TET2: variants seen among roughly 807,000 people sequenced by gnomAD.
TET2 encodes methylcytosine dioxygenase TET2.
Under a neutral mutation model 142.9 loss-of-function variants are expected in TET2, and 299 were observed. The ratio of observed to expected loss-of-function variants is 2.09; its 90% confidence interval spans 1.90 to 2.30. The LOEUF (loss-of-function observed/expected upper bound fraction) is 2.30. Ranked by LOEUF, TET2 falls within the 30% of genes most tolerant of loss-of-function variation. The pLI is 0.00. For synonymous variants in TET2, 819 were observed against 849.0 expected (o/e 0.96, Z 0.61); for missense variants, 2,418 against 2,378.0 (o/e 1.02, Z -0.35).
intron 3 of TET2, 80 bp downstream of exon 3, chr4:105,237,431 C>CT (rs1421974533): frequency 6.2e-7 from 1 of 1,613,570 alleles, no homozygotes; most frequent in Non-Finnish European, 8.5e-7. Context: ...GATTTTCCTT[C>CT]TTTTTTTAAA....
chr4:105,187,254 T>C (rs1725512282), intron 1 of TET2, among the ~76,000 whole-genome samples: 1 of 152,226 alleles, frequency 6.6e-6, no homozygotes, highest in African/African-American at 2.4e-5. Context: ...TTTTTAAGTT[T>C]TGTTTTACTA....
chr4:105,192,075 C>T (rs546905148), intron 2 of TET2, among the ~76,000 whole-genome samples: 28 of 152,122 alleles, frequency 1.8e-4, no homozygotes, highest in East Asian at 3.9e-4. Flanking sequence ...GAACTGAGAG[C>T]GCATTTTTAA....
chr4:105,223,697 A>T (rs1727998207), intron 2 of TET2, among the ~76,000 whole-genome samples: 1 of 152,186 alleles, frequency 6.6e-6, no homozygotes, highest in Non-Finnish European at 1.5e-5. Context: ...ATAGTTTTGG[A>T]GAATAATGCC....
At chr4:105,173,120 G>A (rs1724568643) in intron 1 of TET2, among the ~76,000 whole-genome samples, 1 of 152,100 alleles carries the variant, frequency 6.6e-6, no homozygotes, top group Non-Finnish European at 1.5e-5. Context: ...ATTTATTCTT[G>A]CATGCCAACA....
In TET2 at chr4:105,276,859, T is replaced by G. The variant is rs551479931; in HGVS notation, c.*340T>G. The G allele has an allele frequency of 7.3e-5, 12 of 164,806 alleles. No individual in the cohort carries two copies. The highest frequency in any genetic ancestry group is 4.6e-4 in the African/African-American group (12 of 26,206). The allele number at this position is 164,806 out of a possible 1,614,324, so 10.2% of individuals were successfully genotyped here. A position where few individuals can be genotyped will look rare whatever the true frequency, so the allele number is the denominator to read the frequency against. On this transcript the variant is annotated 3_prime_UTR_variant, in exon 11 of 11. Coordinates refer to ENST00000380013, the MANE Select transcript of TET2 (RefSeq NM_001127208.3). ...GTGATCCCCCCCCCCCGCTTACAAC[T>G]CTACACATCTGTGACCACTTTTAAT...
At chr4:105,250,768 C>T (rs1033570050) in intron 6 of TET2, among the ~76,000 whole-genome samples, 4 of 152,148 alleles carry the variant, frequency 2.6e-5, no homozygotes, top group Non-Finnish European at 4.4e-5. Context: ...TCTCAGCTCA[C>T]TGCAACCTCC....
At chr4:105,252,735 C>A (rs557431869) in intron 6 of TET2, among the ~76,000 whole-genome samples, 1 of 152,280 alleles carries the variant, frequency 6.6e-6, no homozygotes, top group South Asian at 2.1e-4. Context: ...TCTATATGTT[C>A]TGTGTTATCT....
At chr4:105,241,135 C>A in intron 3 of TET2, 2 of 1,149,336 alleles carry the variant, frequency 1.7e-6, no homozygotes, top group Non-Finnish European at 2.2e-6. Flanking sequence ...TATTTTTATC[C>A]AACAACCAGC....
At chr4:105,208,318 T>A (rs1726946560) in intron 2 of TET2, among the ~76,000 whole-genome samples, 1 of 152,164 alleles carries the variant, frequency 6.6e-6, no homozygotes, top group African/African-American at 2.4e-5. Flanking sequence ...TCAAGCTGGC[T>A]TCTCTGTTTT....
chr4:105,205,798 A>AT (rs1726783669), intron 2 of TET2, among the ~76,000 whole-genome samples: 1 of 151,640 alleles, frequency 6.6e-6, no homozygotes, highest in South Asian at 2.1e-4. Flanking sequence ...CTCCTGGCTA[A>AT]TTTTTTTCTA....
chr4:105,189,002 T>C (rs1725626799), intron 1 of TET2, among the ~76,000 whole-genome samples: 1 of 152,154 alleles, frequency 6.6e-6, no homozygotes, highest in Non-Finnish European at 1.5e-5. Flanking sequence ...TCATATACTT[T>C]ACAAGGATGT....
At chr4:105,250,434 A>AT (rs1729813802) in intron 6 of TET2, among the ~76,000 whole-genome samples, 1 of 104,836 alleles carries the variant, frequency 9.5e-6, no homozygotes, top group Non-Finnish European at 1.8e-5. Flanking sequence ...GTCTTACTAT[A>AT]TTACCCAAGC....
rs2110306179 is a variant in TET2, at chr4:105,272,672, A to G, written c.4291A>G (p.Ser1431Gly). The change falls in exon 10 of 11, where the codon AGT becomes GGT. Residue 1431 changes from serine (S) to glycine (G), a missense_variant. Coordinates refer to ENST00000380013, the MANE Select transcript of TET2 (RefSeq NM_001127208.3). ...AGTCTCTGACGTGGATGAGTTTGGG[A>G]GTGTGGAAGCTCAGGAGGAGAAAAA... Reference protein sequence around the residue: ...YKVSDVDEFGSVEAQEEKKRS... With the variant: ...YKVSDVDEFGGVEAQEEKKRS... 2 of 1,551,650 alleles carry G rather than the reference A, an allele frequency of 1.3e-6. No homozygotes were observed. The highest frequency in any genetic ancestry group is 1.7e-6 in the Non-Finnish European group (2 of 1,146,956).
At position 105,236,423 on chromosome 4, in the gene TET2, A is replaced by T. The variant is rs1728915906; in HGVS notation, c.2481A>T (p.Ala827=). Residue 827 remains alanine, a synonymous_variant, in exon 3 of 11, where the codon GCA becomes GCT. Coordinates refer to ENST00000380013, the MANE Select transcript of TET2 (RefSeq NM_001127208.3). ...ATAGTCAGACCATGAAATCAAGTGC[A>T]TGCAAAATACAGGTTTCTTGTTCAA... ...SPYSQTMKSS[A]CKIQVSCSNN... 1.2e-6 allele frequency: 2 copies of T among 1,614,084 alleles called. No homozygotes were observed. The highest frequency in any genetic ancestry group is 1.7e-6 in the Non-Finnish European group (2 of 1,180,002).
chr4:105,237,274 T>A lies in TET2; in HGVS notation c.3332T>A (p.Leu1111Ter), dbSNP rs767477894. ...LNNFIESPSKLLDTPIKNLLD... is the reference protein window; with the variant it reads ...LNNFIESPSK ...AATTTTATAGAGTCACCTTCCAAAT[T>A]ACTAGATACTCCTATAAAAAATTTA... The change falls in exon 3 of 11, where the codon TTA becomes TAA. Residue 1111 changes from leucine (L) to a stop codon, truncating the protein, a stop_gained. Coordinates refer to ENST00000380013, the MANE Select transcript of TET2 (RefSeq NM_001127208.3). LOFTEE classifies it high-confidence loss of function. The A allele has an allele frequency of 6.2e-7, 1 of 1,614,120 alleles. No homozygotes were observed. The highest frequency in any genetic ancestry group is 8.5e-7 in the Non-Finnish European group (1 of 1,179,972).
intron 7 of TET2, 109 bp downstream of exon 7, chr4:105,259,878 T>G: frequency 8.9e-7 from 1 of 1,124,192 alleles, no homozygotes; most frequent in Non-Finnish European, 1.2e-6. Context: ...TAATCAAAGT[T>G]TTTCCCAAAC....
rs1023192888 is a variant in TET2, at chr4:105,272,816, C to G, written c.4435C>G (p.Leu1479Val). Residue 1479 changes from leucine to valine, a missense_variant, in exon 10 of 11, where the codon CTT becomes GTT. Coordinates refer to ENST00000380013, the MANE Select transcript of TET2 (RefSeq NM_001127208.3). ...AGCCAAGAAAGCTGCAGCTGAAAAG[C>G]TTTCCTCCCTGGAGAACAGCTCAAA... ...LEAKKAAAEK[L>V]SSLENSSNKN... 5.2e-6 allele frequency: 8 copies of G among 1,551,546 alleles called. No homozygotes were observed. In the African/African-American group the frequency reaches 9.6e-5, roughly 19 times the overall value.
rs745813952 is a variant in TET2, at chr4:105,275,086, CAGCAGCCCCAGCCTCTACAGA to C, written c.4584_4604del (p.Gln1529_Pro1535del). On this transcript the variant is annotated inframe_deletion, in exon 11 of 11. Coordinates refer to ENST00000380013, the MANE Select transcript of TET2 (RefSeq NM_001127208.3). ...TTCAGGACCAGTCATGCAGCAGTCC[CAGCAGCCCCAGCCTCTACAGA>C]AGCAGCCACCACAGCCCCAGCAGCA... 16 of 1,548,756 alleles carry C rather than the reference CAGCAGCCCCAGCCTCTACAGA, an allele frequency of 1.0e-5. 1 individual carries two copies. In the South Asian group the frequency reaches 1.9e-4, roughly 19 times the overall value.
At chr4:105,160,164 C>T (rs911670871) in intron 1 of TET2, among the ~76,000 whole-genome samples, 2 of 152,154 alleles carry the variant, frequency 1.3e-5, no homozygotes, top group African/African-American at 4.8e-5. Flanking sequence ...CTTTCCCCAT[C>T]CTCTGTAAAT....
Sources: allele counts gnomAD v4.1 joint callset (sites outside exome capture counted in the v4.1 genomes callset), GRCh38; gene constraint gnomAD v4.1.1; transcripts MANE v1.5; gene names NCBI Gene and HGNC (gene_info 2026-07-23, HGNC 2026-07-21).